The following ANKRD17 variants were observed in gnomAD, a reference collection of about 807,000 sequenced individuals.
The protein encoded by ANKRD17 is ankyrin repeat domain-containing protein 17.
A neutral mutation model predicts 229.7 loss-of-function variants in ANKRD17; 19 were observed. That is an observed-to-expected ratio of 0.08 (90% CI 0.06 to 0.12). The LOEUF (loss-of-function observed/expected upper bound fraction) is 0.12, where lower values mean the gene tolerates loss of function less well. ANKRD17 is among the 10% of genes least tolerant of loss of function. The pLI is 1.00. For missense variants in ANKRD17, 2,176 were observed against 3,176.8 expected (o/e 0.68, Z 7.57); for synonymous variants, 1,112 against 1,146.1 (o/e 0.97, Z 0.60).
intron 2 of ANKRD17, among the ~76,000 whole-genome samples, chr4:73,176,916 A>G (rs1480140317): frequency 2.0e-5 from 3 of 152,250 alleles, no homozygotes; most frequent in East Asian, 1.9e-4. Flanking sequence ...AAAACCTGGC[A>G]TTAAATAGGC....
chr4:73,226,067 C>T (rs1197045974), intron 1 of ANKRD17, among the ~76,000 whole-genome samples: 6 of 147,448 alleles, frequency 4.1e-5, no homozygotes, highest in Non-Finnish European at 7.5e-5. Context: ...CCTCCGTCTC[C>T]CAGGTTCAAG....
chr4:73,166,073 C>A (rs1733188884), intron 2 of ANKRD17, among the ~76,000 whole-genome samples: 1 of 152,184 alleles, frequency 6.6e-6, no homozygotes, highest in Non-Finnish European at 1.5e-5. Flanking sequence ...TGTTTCACAC[C>A]ACTATATTTA....
intron 1 of ANKRD17, among the ~76,000 whole-genome samples, chr4:73,193,264 C>CTACT (rs1737377246): frequency 6.6e-6 from 1 of 152,150 alleles, no homozygotes; most frequent in South Asian, 2.1e-4. Context: ...TAATGGTGAA[C>CTACT]AGTACTTCAT....
intron 24 of ANKRD17, chr4:73,113,044 T>C: frequency 9.1e-7 from 1 of 1,093,872 alleles, no homozygotes; most frequent in South Asian, 2.1e-5. Flanking sequence ...CGCCTCGGCC[T>C]CCCAAAGTGC....
At chr4:73,227,865 CTTTGTTG>C (rs929175248) in intron 1 of ANKRD17, among the ~76,000 whole-genome samples, 10 of 152,094 alleles carry the variant, frequency 6.6e-5, no homozygotes, top group Non-Finnish European at 1.3e-4. Context: ...TGACTTAACA[CTTTGTTG>C]TTTGTTCCCT....
chr4:73,131,075 T>C (rs949168132), intron 16 of ANKRD17, among the ~76,000 whole-genome samples: 7 of 152,160 alleles, frequency 4.6e-5, no homozygotes, highest in African/African-American at 1.7e-4. Flanking sequence ...TAGTCCCAAA[T>C]AATTCCTTCA....
intron 1 of ANKRD17, among the ~76,000 whole-genome samples, chr4:73,183,448 TTTTTG>T (rs754464077): frequency 1.4e-4 from 22 of 152,066 alleles, no homozygotes; most frequent in Non-Finnish European, 2.5e-4. Flanking sequence ...ATAGAGGGTT[TTTTTG>T]TTTTGTTTTG....
At chr4:73,250,119 T>C (rs983495354) in intron 1 of ANKRD17, among the ~76,000 whole-genome samples, 14 of 152,126 alleles carry the variant, frequency 9.2e-5, no homozygotes, top group African/African-American at 3.1e-4. Flanking sequence ...CACCCTACAT[T>C]ATACTAAGCT....
At chr4:73,208,485 A>G (rs538760708) in intron 1 of ANKRD17, among the ~76,000 whole-genome samples, 5 of 152,326 alleles carry the variant, frequency 3.3e-5, no homozygotes, top group African/African-American at 1.2e-4. Context: ...CTTTCCCCAA[A>G]AGGGTTCCTT....
intron 1 of ANKRD17, among the ~76,000 whole-genome samples, chr4:73,178,263 G>C (rs1273441146): frequency 1.3e-5 from 2 of 151,944 alleles, no homozygotes; most frequent in Non-Finnish European, 2.9e-5. Context: ...ACATTTCATG[G>C]GGGAAAAAAG....
chr4:73,175,807 A>C (rs1350100044), intron 2 of ANKRD17, among the ~76,000 whole-genome samples: 1 of 152,196 alleles, frequency 6.6e-6, no homozygotes, highest in Non-Finnish European at 1.5e-5. Context: ...AAATAGAATC[A>C]AAATGGATTC....
At chr4:73,076,447 C>T (rs1027406858) in intron 33 of ANKRD17, among the ~76,000 whole-genome samples, 157 bp from the exon 34 acceptor site, 3 of 151,832 alleles carry the variant, frequency 2.0e-5, no homozygotes, top group Non-Finnish European at 4.4e-5. Context: ...TATTTTCCTA[C>T]CTCTTATCCC....
intron 6 of ANKRD17, among the ~76,000 whole-genome samples, chr4:73,151,854 C>T (rs887517346): frequency 2.0e-5 from 3 of 151,964 alleles, no homozygotes; most frequent in Admixed American, 6.6e-5. Flanking sequence ...ATATATGCTA[C>T]GGAATAAATC....
Position 73,076,981 on chromosome 4 carries a change from T to C in ANKRD17, c.7711A>G (p.Lys2571Glu). Reference protein sequence around the residue: ...AADPSWNSLIKMVSSSTENNG... With the variant: ...AADPSWNSLIEMVSSSTENNG... ...TTTTCCGTGGAGCTGGAAACCATCT[T>C]TATCAGTGAGTTCCAAGAAGGGTCT... Residue 2571 changes from lysine (K) to glutamate (E), a missense_variant, in exon 33 of 34, where the codon AAG becomes GAG. By Grantham distance (56) the Lys-to-Glu change is moderately conservative. Around this residue, in one of 18 missense-constraint regions of ANKRD17, gnomAD observed 159 missense variants for 214.3 expected, o/e 0.74. Transcript: ENST00000358602. 1.9e-6 allele frequency: 3 copies of C among 1,613,310 alleles called. No individual in the cohort carries two copies. Among genetic ancestry groups the C allele is most frequent in the Non-Finnish European group, 2.5e-6 (3 of 1,179,628 alleles).
chr4:73,084,434 T>C (rs1721899477), intron 30 of ANKRD17, among the ~76,000 whole-genome samples: 1 of 150,752 alleles, frequency 6.6e-6, no homozygotes, highest in Non-Finnish European at 1.5e-5. Context: ...ATCTGTTGTG[T>C]TGTTAATGCA....
chr4:73,175,346 A>G (rs1029485841), intron 2 of ANKRD17, among the ~76,000 whole-genome samples: 4 of 152,176 alleles, frequency 2.6e-5, no homozygotes, highest in Non-Finnish European at 5.9e-5. Flanking sequence ...AACTGTCCCC[A>G]TGATCCAATC....
At chr4:73,109,255 G>A (rs760795093) in intron 24 of ANKRD17, among the ~76,000 whole-genome samples, 2 of 151,000 alleles carry the variant, frequency 1.3e-5, no homozygotes, top group East Asian at 2.0e-4. Context: ...AGCTGAGATC[G>A]CACCACTGCT....
Position 73,128,129 on chromosome 4 carries a change from T to C in ANKRD17, c.3235-2817A>G, listed in dbSNP as rs146321052. ...CTATTTGATCTTCATTTCAGGTTTA[T>C]AGGAAGAAATTATATCTGATTTCAG... On this transcript the variant is annotated intron_variant, in intron 16 of 33. Coordinates refer to ENST00000358602, the MANE Select transcript of ANKRD17 (RefSeq NM_032217.5). Among the ~76,000 whole-genome samples, 353 of 152,338 alleles carry C rather than the reference T, an allele frequency of 2.3e-3. 3 individuals carry two copies. The highest frequency in any genetic ancestry group is 8.2e-3 in the African/African-American group (342 of 41,578).
chr4:73,149,228 CAT>C (rs1730675243), intron 7 of ANKRD17, among the ~76,000 whole-genome samples, 178 bp from the exon 8 acceptor site: 3 of 151,612 alleles, frequency 2.0e-5, no homozygotes, highest in African/African-American at 7.3e-5. Flanking sequence ...ATTCTGTTAA[CAT>C]AGAAGAGGGA....
Sources: allele counts gnomAD v4.1 joint callset (sites outside exome capture counted in the v4.1 genomes callset), GRCh38; gene constraint gnomAD v4.1.1; regional missense constraint gnomAD v4.1.1; transcripts MANE v1.5; gene names NCBI Gene and HGNC (gene_info 2026-07-23, HGNC 2026-07-21).